The following PRKG1 variants were observed in gnomAD, a reference collection of about 807,000 sequenced individuals.
PRKG1 encodes the protein cGMP-dependent protein kinase 1.
Under a neutral mutation model 88.1 loss-of-function variants are expected in PRKG1, and 35 were observed. The ratio of observed to expected loss-of-function variants is 0.40; its 90% CI spans 0.30 to 0.53. The LOEUF (loss-of-function observed/expected upper bound fraction) is 0.53. Among genes scored for constraint, PRKG1 ranks in the 20% least tolerant of loss-of-function variants. The pLI is 0.59. For missense variants in PRKG1, 540 were observed against 839.8 expected, an observed-to-expected ratio of 0.64 and a Z score of 4.41; for synonymous variants, 303 against 292.5, an observed-to-expected ratio of 1.04 and a Z score of -0.37.
intron 4 of PRKG1, among the ~76,000 whole-genome samples, chr10:51,821,061 T>C (rs559693946): frequency 6.6e-6 from 1 of 152,256 alleles, no homozygotes; most frequent in South Asian, 2.1e-4. Flanking sequence ...CCATTACAGA[T>C]TAGTATTGCC....
At chr10:51,450,386 A>G (rs1839399277) in intron 2 of PRKG1, among the ~76,000 whole-genome samples, 1 of 151,974 alleles carries the variant, frequency 6.6e-6, no homozygotes, top group South Asian at 2.1e-4. Context: ...AGAGCCAAAC[A>G]TTTCCCCTGT....
chr10:51,280,615 T>C (rs1319818142), intron 2 of PRKG1, among the ~76,000 whole-genome samples: 2 of 152,238 alleles, frequency 1.3e-5, no homozygotes, highest in African/African-American at 2.4e-5. Flanking sequence ...TTCATTCATT[T>C]GATCTTCCAT....
chr10:52,108,832 T>TG (rs1437624334), intron 7 of PRKG1, among the ~76,000 whole-genome samples: 6 of 136,770 alleles, frequency 4.4e-5, no homozygotes, highest in Non-Finnish European at 9.9e-5. Flanking sequence ...TTCCTTTTTT[T>TG]TTTTTTTTTT....
chr10:51,616,735 G>A (rs1437935040), intron 3 of PRKG1, among the ~76,000 whole-genome samples: 1 of 152,106 alleles, frequency 6.6e-6, no homozygotes, highest in African/African-American at 2.4e-5. Flanking sequence ...CCCTTGGTAG[G>A]ATACACAGGT....
At chr10:52,212,888 C>G (rs1840016232) in intron 9 of PRKG1, among the ~76,000 whole-genome samples, 1 of 152,084 alleles carries the variant, frequency 6.6e-6, no homozygotes, top group Non-Finnish European at 1.5e-5. Context: ...TCAGTGAAAA[C>G]ACTAAAAGAA....
At position 51,079,809 on chromosome 10, in the gene PRKG1, T is replaced by C. The variant is rs754066309; in HGVS notation, c.311+4908T>C. Among the ~76,000 whole-genome samples, 37 of 152,176 alleles carry C rather than the reference T, an allele frequency of 2.4e-4. 1 individual carries two copies. Among genetic ancestry groups the C allele is most frequent in the Non-Finnish European group, 5.3e-4 (36 of 68,030 alleles). ...TCACAGTCCTGTTAATAGTCGTAAC[T>C]ATATAACTAGGTAAGAGTAGTTAAT... On this transcript the variant is annotated intron_variant, in intron 1 of 17. Transcript: ENST00000373980.
chr10:52,252,417 C>T (rs1261114658), intron 10 of PRKG1: 1 of 152,016 alleles, frequency 6.6e-6, no homozygotes, highest in Non-Finnish European at 1.5e-5. Context: ...AACTGCATTT[C>T]AAGACGGTGT....
chr10:52,290,502 CTTT>C (rs749566074), intron 17 of PRKG1, among the ~76,000 whole-genome samples: 1 of 152,114 alleles, frequency 6.6e-6, no homozygotes, highest in Non-Finnish European at 1.5e-5. Flanking sequence ...TTACTCTTCT[CTTT>C]TTTAACTATT....
rs1904051 is a variant in PRKG1 at position 51,995,407 on chromosome 10, G to A, written c.763-59077G>A. On this transcript the variant is annotated intron_variant, in intron 5 of 17. Coordinates refer to ENST00000373980, the MANE Select transcript of PRKG1 (RefSeq NM_006258.4). ...TCTGAATGATCTGGATAATAAAGGT[G>A]AGAATTATTCATTGTCTAAAACTTT... 7.8e-3 allele frequency among the ~76,000 whole-genome samples: 1,193 copies of A among 152,258 alleles called. 23 individuals are homozygous for A. Among genetic ancestry groups the A allele is most frequent in the African/African-American group, 0.027 (1,140 of 41,536 alleles).
intron 2 of PRKG1, among the ~76,000 whole-genome samples, chr10:51,407,610 G>A (rs558813353): frequency 6.6e-6 from 1 of 152,166 alleles, no homozygotes; most frequent in Non-Finnish European, 1.5e-5. Flanking sequence ...TACCCATTCT[G>A]TATTGCCTTT....
intron 2 of PRKG1, 33 bp from the exon 3 acceptor site, chr10:51,467,690 T>C (rs1386847422): frequency 4.0e-6 from 6 of 1,504,754 alleles, no homozygotes; most frequent in Non-Finnish European, 3.7e-6. Flanking sequence ...GAGAAATAAT[T>C]TATATAACAT....
At chr10:51,080,202 G>A (rs556842229) in intron 1 of PRKG1, among the ~76,000 whole-genome samples, 20 of 152,248 alleles carry the variant, frequency 1.3e-4, no homozygotes, top group African/African-American at 4.1e-4. Context: ...GTATTTTGAA[G>A]CACAGTCAAG....
At chr10:51,035,440 G>C (rs903271084) in intron 1 of PRKG1, among the ~76,000 whole-genome samples, 1 of 152,100 alleles carries the variant, frequency 6.6e-6, no homozygotes, top group Non-Finnish European at 1.5e-5. Context: ...TTGTCTTGTG[G>C]TCTCGGTTGT....
chr10:51,204,741 C>A (rs1838003586), intron 2 of PRKG1, among the ~76,000 whole-genome samples: 1 of 152,084 alleles, frequency 6.6e-6, no homozygotes, highest in Non-Finnish European at 1.5e-5. Context: ...GGCAAAACTC[C>A]TTAATAGAGT....
chr10:52,271,472 T>G lies in PRKG1; in HGVS notation c.1296T>G (p.His432Gln). 8.7e-6 allele frequency: 14 copies of G among 1,612,576 alleles called. No individual in the cohort carries two copies. Among genetic ancestry groups the G allele is most frequent in the Non-Finnish European group, 1.2e-5 (14 of 1,179,118 alleles). Reference sequence around the variant, plus strand: ...AGAAGCAGATCATGCAGGGGGCTCATTCCGATTTCATAGTGAGGTAAAGGC... The same window carrying G: ...AGAAGCAGATCATGCAGGGGGCTCAGTCCGATTTCATAGTGAGGTAAAGGC... ...RSEKQIMQGAHSDFIVRLYRT... is the reference protein window; with the variant it reads ...RSEKQIMQGAQSDFIVRLYRT... Residue 432 changes from histidine (H) to glutamine (Q), a missense_variant, in exon 11 of 18, where the codon CAT becomes CAG. His to Gln is a conservative substitution (Grantham distance 24, BLOSUM62 0). Coordinates refer to ENST00000373980, the MANE Select transcript of PRKG1 (RefSeq NM_006258.4).
chr10:51,074,617 C>A lies in PRKG1; in HGVS notation c.27C>A (p.Tyr9Ter). MGTLRDLQ[Y>*]ALQEKIEELR... Reference sequence around the variant, plus strand: ...TGGGCACCTTGCGGGATTTACAGTACGCGCTCCAGGAGAAGATCGAGGAGC... The same window carrying A: ...TGGGCACCTTGCGGGATTTACAGTAAGCGCTCCAGGAGAAGATCGAGGAGC... The change falls in exon 1 of 18, where the codon TAC becomes TAA. Residue 9 changes from tyrosine to a stop codon, truncating the protein, a stop_gained. Coordinates refer to ENST00000373980, the MANE Select transcript of PRKG1 (RefSeq NM_006258.4). LOFTEE classifies it high-confidence loss of function. 1 of 1,613,392 alleles carries A rather than the reference C, an allele frequency of 6.2e-7. No homozygotes were observed. The highest frequency in any genetic ancestry group is 8.5e-7 in the Non-Finnish European group (1 of 1,179,500).
At chr10:51,820,489 G>A (rs1331656786) in intron 4 of PRKG1, among the ~76,000 whole-genome samples, 1 of 152,120 alleles carries the variant, frequency 6.6e-6, no homozygotes, top group African/African-American at 2.4e-5. Flanking sequence ...TCCCCAAAAT[G>A]TCCAACCTAC....
Position 51,488,374 on chromosome 10 carries a change from G to A in PRKG1, c.592+20538G>A, listed in dbSNP as rs1490944410. ...CCCTTTAAAGAGCTTTTGGGTACAA[G>A]CTCAATCAATACAACAGTAGAAAGA... On this transcript the variant is annotated intron_variant, in intron 3 of 17. Coordinates refer to ENST00000373980, the MANE Select transcript of PRKG1 (RefSeq NM_006258.4). Among the ~76,000 whole-genome samples the A allele has an allele frequency of 2.0e-5, 3 of 152,238 alleles. No homozygotes were observed. The East Asian group carries it at 5.8e-4, about 29-fold the overall frequency.
At position 52,271,370 on chromosome 10, in the gene PRKG1, A is replaced by G. The variant is rs1177339246; in HGVS notation, c.1194A>G (p.Glu398=). Residue 398 remains glutamate (E), a synonymous_variant, in exon 11 of 18, where the codon GAA becomes GAG. Transcript: ENST00000373980. ...RVELVQLKSE[E]SKTFAMKILK... ...TTAAGGTCCAGTTGAAAAGTGAAGA[A>G]TCCAAAACGTTTGCAATGAAGATTC... is the stretch of plus-strand genomic sequence containing the variant. The G allele has an allele frequency of 6.2e-7, 1 of 1,612,770 alleles. No homozygotes were observed. Among genetic ancestry groups the G allele is most frequent in the Non-Finnish European group, 8.5e-7 (1 of 1,179,190 alleles).
Sources: allele counts gnomAD v4.1 joint callset (sites outside exome capture counted in the v4.1 genomes callset), GRCh38; gene constraint gnomAD v4.1.1; transcripts MANE v1.5; gene names NCBI Gene and HGNC (gene_info 2026-07-23, HGNC 2026-07-21).